Variants in TEKT5 observed in about 807,000 individuals in gnomAD.
The protein encoded by TEKT5 is tektin 5.
In TEKT5, 52 loss-of-function variants were observed where a neutral mutation model predicts 48.7. That is an observed-to-expected ratio of 1.07 (90% CI 0.86 to 1.35). The LOEUF (loss-of-function observed/expected upper bound fraction) is 1.35, where lower values mean the gene tolerates loss of function less well. Ranked by LOEUF, TEKT5 falls within the 40% of genes most tolerant of loss-of-function variation. The pLI, the probability that TEKT5 is intolerant of heterozygous loss-of-function variation, is 0.00. For synonymous variants in TEKT5, 318 were observed against 267.6 expected, an observed-to-expected ratio of 1.19 and a Z score of -1.84; for missense variants, 831 against 641.6, an observed-to-expected ratio of 1.30 and a Z score of -3.19.
At position 10,632,712 on chromosome 16, in the gene TEKT5, G is replaced by T. The variant is rs182391031; in HGVS notation, c.1241+3052C>A. 3.9e-5 allele frequency among the ~76,000 whole-genome samples: 6 copies of T among 152,148 alleles called. No homozygotes were observed. The East Asian group carries it at 1.2e-3, about 29-fold the overall frequency. Reference sequence around the variant, plus strand: ...CTTATAGGAGGAAAAGGAAAAAGATGGCCCAAAGGCAGGAATGGAGAGGAC... The same window carrying T: ...CTTATAGGAGGAAAAGGAAAAAGATTGCCCAAAGGCAGGAATGGAGAGGAC... On this transcript the variant is annotated intron_variant, in intron 6 of 6. Transcript: ENST00000283025.
At chr16:10,680,113 C>A (rs904718149) in intron 4 of TEKT5, among the ~76,000 whole-genome samples, 1 of 152,170 alleles carries the variant, frequency 6.6e-6, no homozygotes, top group Non-Finnish European at 1.5e-5. Flanking sequence ...GAAGAGAGAC[C>A]CTCTGGACTC....
chr16:10,653,336 T>G (rs1049160163), intron 5 of TEKT5, among the ~76,000 whole-genome samples: 1 of 152,178 alleles, frequency 6.6e-6, no homozygotes, highest in African/African-American at 2.4e-5. Context: ...CTCTGTGCTT[T>G]GCATACAGTA....
chr16:10,646,905 G>A (rs774273824), intron 5 of TEKT5, among the ~76,000 whole-genome samples: 34 of 152,286 alleles, frequency 2.2e-4, no homozygotes, highest in Middle Eastern at 3.4e-3. Flanking sequence ...CACTCAATGC[G>A]GCAACACCTC....
chr16:10,682,211 G>C (rs1898769406), intron 3 of TEKT5, 75 bp from the exon 4 acceptor site: 2 of 1,533,610 alleles, frequency 1.3e-6, no homozygotes, highest in Non-Finnish European at 1.8e-6. Context: ...CAGCAGGTGT[G>C]TGTTGCAAGC....
intron 4 of TEKT5, among the ~76,000 whole-genome samples, chr16:10,679,455 A>T (rs1898706691): frequency 7.7e-6 from 1 of 130,084 alleles, no homozygotes; most frequent in East Asian, 2.1e-4. Flanking sequence ...GACTCTGTCT[A>T]AAAAAAAAAA....
chr16:10,689,466 T>A, intron 2 of TEKT5, 143 bp from the exon 3 acceptor site: 1 of 580,454 alleles, frequency 1.7e-6, no homozygotes, highest in Non-Finnish European at 3.0e-6. Context: ...GGGCCCCGCC[T>A]CAATCCACGT....
At chr16:10,634,490 T>G (rs760794140) in intron 6 of TEKT5, among the ~76,000 whole-genome samples, 18 of 152,120 alleles carry the variant, frequency 1.2e-4, no homozygotes, top group Non-Finnish European at 2.6e-4. Context: ...GGGGCCAGAC[T>G]CAGTCTCTTC....
At position 10,682,420 on chromosome 16, in the gene TEKT5, C is replaced by A. The variant is rs952342725; in HGVS notation, c.720-284G>T. 4.6e-5 allele frequency among the ~76,000 whole-genome samples: 7 copies of A among 152,290 alleles called. No homozygotes were observed. The South Asian group carries it at 1.0e-3, about 23-fold the overall frequency. On this transcript the variant is annotated intron_variant, in intron 3 of 6. Transcript: ENST00000283025. ...ATGGCTCACTGCAGCCTTGACCTCC[C>A]AGGCTCAAGCACTCTTCCCACCTCA...
intron 5 of TEKT5, among the ~76,000 whole-genome samples, chr16:10,646,511 A>G (rs1214710482): frequency 6.6e-6 from 1 of 152,238 alleles, no homozygotes; most frequent in Non-Finnish European, 1.5e-5. Context: ...GCTGTAAAAC[A>G]TTCACACATC....
intron 1 of TEKT5, chr16:10,692,636 C>T (rs981099668): frequency 2.6e-5 from 4 of 152,188 alleles, no homozygotes; most frequent in South Asian, 2.1e-4. Context: ...AGAGTGCTGG[C>T]TAATAGGCTA....
intron 6 of TEKT5, among the ~76,000 whole-genome samples, chr16:10,630,396 T>G (rs1897822245): frequency 6.6e-6 from 1 of 151,960 alleles, no homozygotes; most frequent in Admixed American, 6.6e-5. Flanking sequence ...CCACCACACC[T>G]GGCTAATTAA....
At chr16:10,644,039 C>T (rs1226193436) in intron 5 of TEKT5, among the ~76,000 whole-genome samples, 1 of 152,056 alleles carries the variant, frequency 6.6e-6, no homozygotes, top group South Asian at 2.1e-4. Flanking sequence ...CAAAACTCTG[C>T]CTCAAAAAAT....
chr16:10,678,448 T>A (rs1380001342), intron 4 of TEKT5, among the ~76,000 whole-genome samples: 1 of 152,150 alleles, frequency 6.6e-6, no homozygotes, highest in African/African-American at 2.4e-5. Context: ...ATAGAAAGTT[T>A]TAAAAATCAT....
At chr16:10,689,895 C>T (rs1898937324) in intron 2 of TEKT5, 47 bp downstream of exon 2, 2 of 1,597,540 alleles carry the variant, frequency 1.3e-6, no homozygotes, top group Middle Eastern at 1.7e-4. Flanking sequence ...ACCTGCTGGC[C>T]TTCCCGCCTC....
At chr16:10,669,432 C>T (rs987163953) in intron 5 of TEKT5, among the ~76,000 whole-genome samples, 2 of 152,108 alleles carry the variant, frequency 1.3e-5, no homozygotes, top group African/African-American at 4.8e-5. Flanking sequence ...GCACTCCAGC[C>T]TGGGCAACAA....
At chr16:10,686,632 A>G (rs1898866314) in intron 3 of TEKT5, among the ~76,000 whole-genome samples, 1 of 152,212 alleles carries the variant, frequency 6.6e-6, no homozygotes, top group South Asian at 2.1e-4. Context: ...AAGCTTCTGC[A>G]CAGCAAACGA....
intron 5 of TEKT5, among the ~76,000 whole-genome samples, chr16:10,660,569 CTA>C (rs1898349123): frequency 6.6e-6 from 1 of 152,092 alleles, no homozygotes. Flanking sequence ...GTAATGTTCT[CTA>C]TGAATTCCAC....
At chr16:10,643,438 A>G (rs560037511) in intron 5 of TEKT5, among the ~76,000 whole-genome samples, 2 of 152,168 alleles carry the variant, frequency 1.3e-5, no homozygotes, top group African/African-American at 2.4e-5. Context: ...TTATACCTCA[A>G]AATTTCCACT....
intron 3 of TEKT5, among the ~76,000 whole-genome samples, chr16:10,685,993 C>T (rs11643279): frequency 0.15 from 22,164 of 152,216 alleles, 1,701 homozygotes; most frequent in Non-Finnish European, 0.18. Context: ...ACTTCCCAAA[C>T]GTCAGCCCTC....
Sources: gnomAD v4.1 joint callset for allele counts (sites outside exome capture counted in the v4.1 genomes callset) on GRCh38, gnomAD v4.1.1 for gene constraint, MANE v1.5 for transcripts, NCBI Gene and HGNC (gene_info 2026-07-23, HGNC 2026-07-21) for gene names.